MRTFA: variants seen among roughly 807,000 people sequenced by gnomAD.
MRTFA encodes myocardin-related transcription factor A.
A neutral mutation model predicts 83.5 loss-of-function variants in MRTFA; 20 were observed. The ratio of observed to expected loss-of-function variants is 0.24; its 90% CI spans 0.17 to 0.35. MRTFA has a LOEUF of 0.35. Among genes scored for constraint, MRTFA ranks in the 10% least tolerant of loss-of-function variants. The pLI, the probability that MRTFA is intolerant of heterozygous loss-of-function variation, is 1.00. For missense variants in MRTFA, 1,200 were observed against 1,224.7 expected, an observed-to-expected ratio of 0.98 and a Z score of 0.30; for synonymous variants, 659 against 541.2, an observed-to-expected ratio of 1.22 and a Z score of -3.02.
At chr22:40,431,577 A>T (rs2053070034) in intron 5 of MRTFA, 97 bp from the exon 6 acceptor site, 1 of 1,141,318 alleles carries the variant, frequency 8.8e-7, no homozygotes. Flanking sequence ...GTAGCTGCTG[A>T]CCACCTCTGC....
chr22:40,440,684 G>A (rs2053259029), intron 4 of MRTFA, among the ~76,000 whole-genome samples: 1 of 152,158 alleles, frequency 6.6e-6, no homozygotes, highest in African/African-American at 2.4e-5. Flanking sequence ...ACTCCTGTGT[G>A]TGTCCCGCCA....
At chr22:40,481,339 G>A (rs1028677780) in intron 3 of MRTFA, among the ~76,000 whole-genome samples, 11 of 152,056 alleles carry the variant, frequency 7.2e-5, no homozygotes, top group South Asian at 2.1e-4. Context: ...CAGTTGGCTC[G>A]TTCATTCATT....
intron 3 of MRTFA, among the ~76,000 whole-genome samples, chr22:40,491,134 G>A (rs139671222): frequency 2.0e-5 from 3 of 152,278 alleles, no homozygotes; most frequent in African/African-American, 7.2e-5. Flanking sequence ...CTTAAGGCTG[G>A]GGTTCAAGAC....
intron 4 of MRTFA, among the ~76,000 whole-genome samples, chr22:40,445,878 T>A (rs1040067504): frequency 6.6e-6 from 1 of 152,186 alleles, no homozygotes; most frequent in Non-Finnish European, 1.5e-5. Context: ...ATGCACTGCA[T>A]TTGGTTGTTG....
intron 1 of MRTFA, among the ~76,000 whole-genome samples, chr22:40,605,751 T>C (rs552546388): frequency 6.6e-6 from 1 of 152,338 alleles, no homozygotes; most frequent in South Asian, 2.1e-4. Context: ...TCTTTTAAAT[T>C]GCCTTACTTA....
intron 1 of MRTFA, among the ~76,000 whole-genome samples, chr22:40,610,043 CTTTTTTT>C (rs966206904): frequency 8.0e-6 from 1 of 124,596 alleles, no homozygotes; most frequent in Non-Finnish European, 1.7e-5. Flanking sequence ...TTTTTTTTCT[CTTTTTTT>C]TTTTTTTTTT....
chr22:40,413,729 T>A (rs1378189515), intron 14 of MRTFA, among the ~76,000 whole-genome samples: 4 of 152,120 alleles, frequency 2.6e-5, no homozygotes, highest in Non-Finnish European at 4.4e-5. Context: ...AGGCGTGAGC[T>A]ACCACGCCCA....
At position 40,594,145 on chromosome 22, in the gene MRTFA, G is replaced by C. The variant is rs115639291; in HGVS notation, c.-22+529C>G. Among the ~76,000 whole-genome samples, 328 of 152,306 alleles carry C rather than the reference G, an allele frequency of 2.2e-3. 2 individuals are homozygous for C. Among genetic ancestry groups the C allele is most frequent in the African/African-American group, 7.6e-3 (316 of 41,570 alleles). Reference sequence around the variant, plus strand: ...GCATGTTGTGTCAAATCAAACTCTAGTGGTTACAGATGGACAGATCCTGTC... The same window carrying C: ...GCATGTTGTGTCAAATCAAACTCTACTGGTTACAGATGGACAGATCCTGTC... On this transcript the variant is annotated intron_variant, in intron 2 of 14. Coordinates refer to ENST00000355630, the MANE Select transcript of MRTFA (RefSeq NM_020831.6).
At chr22:40,623,322 T>C (rs993252663) in intron 1 of MRTFA, among the ~76,000 whole-genome samples, 4 of 152,272 alleles carry the variant, frequency 2.6e-5, no homozygotes, top group East Asian at 3.9e-4. Flanking sequence ...TACTGTCTTT[T>C]TTTTTTATTA....
intron 1 of MRTFA, among the ~76,000 whole-genome samples, chr22:40,612,901 C>G (rs912936564): frequency 6.6e-6 from 1 of 152,182 alleles, no homozygotes; most frequent in Non-Finnish European, 1.5e-5. Context: ...GAGCCATGAT[C>G]ATGCCACTGC....
intron 1 of MRTFA, among the ~76,000 whole-genome samples, chr22:40,610,043 C>CTTTTT (rs966206904): frequency 4.0e-5 from 5 of 124,602 alleles, no homozygotes; most frequent in South Asian, 2.6e-4. Context: ...TTTTTTTTCT[C>CTTTTT]TTTTTTTTTT....
At chr22:40,431,284 G>A (rs2053064609) in intron 6 of MRTFA, 121 bp downstream of exon 6, 1 of 918,118 alleles carries the variant, frequency 1.1e-6, no homozygotes, top group African/African-American at 1.6e-5. Flanking sequence ...TTAAGGCTCT[G>A]GCTTACCCAC....
chr22:40,437,762 CAAAA>C (rs1180457762), intron 4 of MRTFA, among the ~76,000 whole-genome samples: 5 of 105,866 alleles, frequency 4.7e-5, no homozygotes, highest in Admixed American at 1.0e-4. Flanking sequence ...GACTCCGTCT[CAAAA>C]AAAAAAAAAA....
rs1224684474 is a variant in MRTFA at position 40,454,158 on chromosome 22, G to A, written c.307+9063C>T. Among the ~76,000 whole-genome samples the A allele has an allele frequency of 2.0e-5, 3 of 152,140 alleles. No homozygotes were observed. The East Asian group carries it at 5.8e-4, about 29-fold the overall frequency. On this transcript the variant is annotated intron_variant, in intron 4 of 14. Coordinates refer to ENST00000355630, the MANE Select transcript of MRTFA (RefSeq NM_020831.6). ...CCTTTTGGGTGGGGGTGTGAGGGAG[G>A]CAGGGTCTCACTCTGTTGCCCAGGC...
At chr22:40,467,315 A>G (rs2053827011) in intron 3 of MRTFA, among the ~76,000 whole-genome samples, 1 of 152,232 alleles carries the variant, frequency 6.6e-6, no homozygotes, top group African/African-American at 2.4e-5. Flanking sequence ...CAGTCAACCT[A>G]TAATTCATTT....
intron 2 of MRTFA, among the ~76,000 whole-genome samples, chr22:40,565,905 C>T (rs1030392789): frequency 4.6e-5 from 7 of 152,098 alleles, no homozygotes; most frequent in African/African-American, 7.2e-5. Context: ...AACACTAAGA[C>T]GTATATTTAC....
chr22:40,559,885 G>A lies in MRTFA; in HGVS notation c.-21-7518C>T, dbSNP rs571183451. ...TGAAAAACTGCTTTAGCAACTGTTC[G>A]ATTCAGAATAGTTCTGTAATTAAGT... On this transcript the variant is annotated intron_variant, in intron 2 of 14. Coordinates refer to ENST00000355630, the MANE Select transcript of MRTFA (RefSeq NM_020831.6). Among the ~76,000 whole-genome samples the A allele has an allele frequency of 1.1e-4, 17 of 152,218 alleles. No homozygotes were observed. The South Asian group carries it at 3.1e-3, about 28-fold the overall frequency.
chr22:40,442,127 C>G (rs2053289043), intron 4 of MRTFA, among the ~76,000 whole-genome samples: 1 of 152,138 alleles, frequency 6.6e-6, no homozygotes, highest in African/African-American at 2.4e-5. Context: ...CTAGAAATGC[C>G]TCTGAGCAAG....
At chr22:40,591,685 T>C (rs2056123746) in intron 2 of MRTFA, among the ~76,000 whole-genome samples, 1 of 152,194 alleles carries the variant, frequency 6.6e-6, no homozygotes, top group Admixed American at 6.5e-5. Flanking sequence ...CTGTAGTATA[T>C]AAATTATACC....
Sources: allele counts gnomAD v4.1 joint callset (sites outside exome capture counted in the v4.1 genomes callset), GRCh38; gene constraint gnomAD v4.1.1; transcripts MANE v1.5; gene names NCBI Gene and HGNC (gene_info 2026-07-23, HGNC 2026-07-21).